XYLT1: variants seen among roughly 807,000 people sequenced by gnomAD.
XYLT1 encodes xylosyltransferase 1, also known as beta-D-xylosyltransferase 1.
A neutral mutation model predicts 91.3 loss-of-function variants in XYLT1; 36 were observed. The observed-to-expected ratio is 0.39, with a 90% confidence interval of 0.30 to 0.52. The LOEUF is 0.52. Ranked by LOEUF, XYLT1 falls within the 20% of genes least tolerant of loss-of-function variation. The pLI, the probability that XYLT1 is intolerant of heterozygous loss-of-function variation, is 0.68. For missense variants in XYLT1, 1,242 were observed against 1,284.5 expected (o/e 0.97, Z 0.51); for synonymous variants, 588 against 532.0 (o/e 1.11, Z -1.45).
chr16:17,121,322 C>A (rs2030047830), intron 10 of XYLT1, among the ~76,000 whole-genome samples: 1 of 152,118 alleles, frequency 6.6e-6, no homozygotes, highest in African/African-American at 2.4e-5. Flanking sequence ...GACAAACAAC[C>A]TGGATCTTGT....
intron 1 of XYLT1, among the ~76,000 whole-genome samples, chr16:17,372,915 G>T (rs932080641): frequency 1.3e-5 from 2 of 152,066 alleles, no homozygotes; most frequent in Non-Finnish European, 2.9e-5. Flanking sequence ...CATCAAATAC[G>T]TATTTCTTTT....
chr16:17,332,601 CACA>C (rs2034917615), intron 2 of XYLT1, among the ~76,000 whole-genome samples: 1 of 151,330 alleles, frequency 6.6e-6, no homozygotes, highest in African/African-American at 2.4e-5. Flanking sequence ...CACACACACA[CACA>C]CACACACGGC....
chr16:17,239,471 T>TCATC (rs1158748788), intron 3 of XYLT1, among the ~76,000 whole-genome samples: 1 of 144,080 alleles, frequency 6.9e-6, no homozygotes, highest in Non-Finnish European at 1.5e-5. Flanking sequence ...CATCCATCCA[T>TCATC]CATCCATCCA....
chr16:17,237,486 T>C (rs1195869647), intron 3 of XYLT1, among the ~76,000 whole-genome samples: 1 of 152,164 alleles, frequency 6.6e-6, no homozygotes, highest in Non-Finnish European at 1.5e-5. Flanking sequence ...TGACAGGCAG[T>C]GAACTGGTTT....
rs187083833 is a variant in XYLT1, at chr16:17,114,053, C to A, written c.2557+3593G>T. 5.3e-5 allele frequency among the ~76,000 whole-genome samples: 8 copies of A among 151,334 alleles called. No homozygotes were observed. The East Asian group carries it at 1.4e-3, about 26-fold the overall frequency. ...ATCCACCTGCCGGGAGGGTGGTGCA[C>A]CCCAATGCCATGGGGACAGATTCAT... is the stretch of plus-strand genomic sequence containing the variant. On this transcript the variant is annotated intron_variant, in intron 11 of 11. Coordinates refer to ENST00000261381, the MANE Select transcript of XYLT1 (RefSeq NM_022166.4).
At chr16:17,112,721 C>G (rs2141478987) in intron 11 of XYLT1, among the ~76,000 whole-genome samples, 1 of 152,272 alleles carries the variant, frequency 6.6e-6, no homozygotes, top group African/African-American at 2.4e-5. Flanking sequence ...TTGCCTGGTT[C>G]ATGGGGAAGA....
chr16:17,139,388 C>T (rs1290600105), intron 7 of XYLT1, among the ~76,000 whole-genome samples: 1 of 152,092 alleles, frequency 6.6e-6, no homozygotes, highest in Non-Finnish European at 1.5e-5. Context: ...GGAGGTGGGA[C>T]TGAACAGAGA....
chr16:17,279,379 C>A (rs767760743), intron 2 of XYLT1, among the ~76,000 whole-genome samples: 7 of 152,170 alleles, frequency 4.6e-5, no homozygotes, highest in Non-Finnish European at 8.8e-5. Flanking sequence ...AGTAGTATGT[C>A]CTTTTTCAAC....
At chr16:17,314,919 A>T (rs1234562246) in intron 2 of XYLT1, among the ~76,000 whole-genome samples, 2 of 152,070 alleles carry the variant, frequency 1.3e-5, no homozygotes, top group Non-Finnish European at 2.9e-5. Flanking sequence ...CGGAGGTGAT[A>T]AAGTAGAGAG....
intron 9 of XYLT1, among the ~76,000 whole-genome samples, chr16:17,130,765 G>A (rs1159245756): frequency 6.6e-6 from 1 of 152,104 alleles, no homozygotes; most frequent in Non-Finnish European, 1.5e-5. Context: ...ACTATAACCT[G>A]TTCCCATAGT....
At chr16:17,386,225 T>C (rs2035746316) in intron 1 of XYLT1, among the ~76,000 whole-genome samples, 1 of 152,212 alleles carries the variant, frequency 6.6e-6, no homozygotes, top group South Asian at 2.1e-4. Context: ...TCATCTCCCA[T>C]CTTTTAAATG....
chr16:17,390,865 C>T (rs991453782), intron 1 of XYLT1, among the ~76,000 whole-genome samples: 4 of 152,032 alleles, frequency 2.6e-5, no homozygotes, highest in East Asian at 1.9e-4. Context: ...ACGAAACTCC[C>T]GTCTCTACTA....
rs2035694576 is a variant in XYLT1 at position 17,382,509 on chromosome 16, GCA to G, written c.364-24461_364-24460del. ...AATGGGACCCCACACAGAGTGGATT[GCA>G]CAGTGTCACTGTGTCAGCAGAGCAC... On this transcript the variant is annotated intron_variant, in intron 1 of 11. Coordinates refer to ENST00000261381, the MANE Select transcript of XYLT1 (RefSeq NM_022166.4). Among the ~76,000 whole-genome samples, 3 of 152,040 alleles carry G rather than the reference GCA, an allele frequency of 2.0e-5. No homozygotes were observed. In the Admixed American group the frequency reaches 2.0e-4, roughly 10 times the overall value.
intron 2 of XYLT1, among the ~76,000 whole-genome samples, chr16:17,298,913 C>T (rs2034354729): frequency 6.6e-6 from 1 of 152,132 alleles, no homozygotes; most frequent in African/African-American, 2.4e-5. Flanking sequence ...AATTATGTTG[C>T]TCCTCAGGCC....
intron 3 of XYLT1, among the ~76,000 whole-genome samples, chr16:17,235,070 A>G (rs906256692): frequency 6.6e-6 from 1 of 152,134 alleles, no homozygotes; most frequent in African/African-American, 2.4e-5. Flanking sequence ...GAAAAAAAAA[A>G]AAGTAGAGTC....
rs1555476898 is a variant in XYLT1, at chr16:17,102,764, A to ATT, written c.*5929_*5930dup. ...TCTTTTTTTAAAACTTTATTTACAG[A>ATT]TTTTTTTTAAAATCAACACATTACA... On this transcript the variant is annotated 3_prime_UTR_variant, in exon 12 of 12. Transcript: ENST00000261381. 17 of 85,964 alleles carry ATT rather than the reference A, an allele frequency of 2.0e-4. No homozygotes were observed. The highest frequency in any genetic ancestry group is 0.011 in the Middle Eastern group (2 of 180). The allele number at this position is 85,964 out of a possible 1,614,324, so 5.3% of individuals were successfully genotyped here. A position where few individuals can be genotyped will look rare whatever the true frequency, so the allele number is the denominator to read the frequency against.
Position 17,450,001 on chromosome 16 carries a change from A to C in XYLT1, c.363+20433T>G, listed in dbSNP as rs1462553111. ...CCACTGGGAATAACCTGATGGAGTTAATGAATCCAAGACCAGCTATGATGG... is the reference window on the plus strand; with the variant it reads ...CCACTGGGAATAACCTGATGGAGTTCATGAATCCAAGACCAGCTATGATGG... On this transcript the variant is annotated intron_variant, in intron 1 of 11. Coordinates refer to ENST00000261381, the MANE Select transcript of XYLT1 (RefSeq NM_022166.4). Among the ~76,000 whole-genome samples the C allele has an allele frequency of 7.2e-5, 11 of 152,210 alleles. No homozygotes were observed. The East Asian group carries it at 2.1e-3, about 29-fold the overall frequency.
chr16:17,195,743 C>A (rs1201055261), intron 5 of XYLT1, among the ~76,000 whole-genome samples: 2 of 152,134 alleles, frequency 1.3e-5, no homozygotes, highest in African/African-American at 4.8e-5. Context: ...TGCACCCGGC[C>A]CACATCTTCC....
At chr16:17,228,466 G>A (rs2033105397) in intron 3 of XYLT1, among the ~76,000 whole-genome samples, 1 of 152,114 alleles carries the variant, frequency 6.6e-6, no homozygotes, top group Non-Finnish European at 1.5e-5. Context: ...ATACAAAATG[G>A]GCACAGAACG....
Sources: gnomAD v4.1 joint callset for allele counts (sites outside exome capture counted in the v4.1 genomes callset) on GRCh38, gnomAD v4.1.1 for gene constraint, MANE v1.5 for transcripts, NCBI Gene and HGNC (gene_info 2026-07-23, HGNC 2026-07-21) for gene names.